The following FIG4 variants were observed in gnomAD, a reference collection of about 807,000 sequenced individuals.
The protein encoded by FIG4 is FIG4 phosphoinositide 5-phosphatase, also known as polyphosphoinositide phosphatase.
A neutral mutation model predicts 118.6 loss-of-function variants in FIG4; 112 were observed. The ratio of observed to expected loss-of-function variants is 0.94; its 90% CI spans 0.81 to 1.11. FIG4 has a LOEUF of 1.11. Among genes scored for constraint, FIG4 ranks in the 50% least tolerant of loss-of-function variants. The probability of loss-of-function intolerance (pLI) is 0.00; values close to 1 mark genes in which losing one functional copy is unlikely to be tolerated. For synonymous variants in FIG4, 369 were observed against 381.2 expected, an observed-to-expected ratio of 0.97 and a Z score of 0.37; for missense variants, 969 against 1,111.7, an observed-to-expected ratio of 0.87 and a Z score of 1.83.
At chr6:109,774,198 A>G (rs1345712726) in intron 15 of FIG4, among the ~76,000 whole-genome samples, 5 of 152,194 alleles carry the variant, frequency 3.3e-5, no homozygotes, top group Non-Finnish European at 5.9e-5. Context: ...CACCTTCCAG[A>G]GATAGCCACT....
chr6:109,804,024 TC>T (rs1278551528), intron 22 of FIG4, among the ~76,000 whole-genome samples: 1 of 152,170 alleles, frequency 6.6e-6, no homozygotes, highest in African/African-American at 2.4e-5. Context: ...TTCTAAGGAT[TC>T]TTGTCAGATT....
At chr6:109,711,359 A>G (rs1174645707) in intron 1 of FIG4, among the ~76,000 whole-genome samples, 2 of 152,142 alleles carry the variant, frequency 1.3e-5, no homozygotes, top group African/African-American at 2.4e-5. Flanking sequence ...AGATTGCGCC[A>G]CTGCACTCCA....
At chr6:109,702,906 C>T (rs956406589) in intron 1 of FIG4, among the ~76,000 whole-genome samples, 5 of 152,102 alleles carry the variant, frequency 3.3e-5, no homozygotes, top group Non-Finnish European at 5.9e-5. Context: ...GGCTTTAGTC[C>T]GGACTGGATG....
intron 10 of FIG4, among the ~76,000 whole-genome samples, chr6:109,750,457 ACACAGTCTCTACAAAATTTTTTTTTTT>A (rs1445900733): frequency 7.9e-5 from 12 of 152,138 alleles, no homozygotes; most frequent in Middle Eastern, 3.4e-3. Flanking sequence ...AGCATAGGAG[ACACAGTCTCTACAAAATTTTTTTTTTT>A]CAATTAGTTG....
intron 1 of FIG4, among the ~76,000 whole-genome samples, chr6:109,713,965 G>A (rs191215768): frequency 5.3e-5 from 8 of 152,238 alleles, no homozygotes; most frequent in Non-Finnish European, 7.4e-5. Flanking sequence ...GTTCAGGTCC[G>A]ACAGTTCCCC....
chr6:109,824,618 G>A (rs1004949856), intron 22 of FIG4, among the ~76,000 whole-genome samples: 13 of 152,166 alleles, frequency 8.5e-5, no homozygotes, highest in African/African-American at 3.1e-4. Context: ...ATGTAAATAT[G>A]CATATAAGCT....
At chr6:109,812,970 G>A (rs963186079) in intron 22 of FIG4, among the ~76,000 whole-genome samples, 2 of 152,048 alleles carry the variant, frequency 1.3e-5, no homozygotes, top group Non-Finnish European at 2.9e-5. Flanking sequence ...TGTAAATCTA[G>A]AATTTCATTA....
chr6:109,792,593 A>T lies in FIG4; in HGVS notation c.2388A>T (p.Gln796His). The T allele has an allele frequency of 6.3e-7, 1 of 1,599,162 alleles. No individual in the cohort carries two copies. Among genetic ancestry groups the T allele is most frequent in the South Asian group, 1.1e-5 (1 of 90,552 alleles). Residue 796 changes from glutamine to histidine, a missense_variant, in exon 21 of 23, where the codon CAA (glutamine) becomes CAT (histidine). Physicochemically the swap from Gln to His is conservative, Grantham distance 24. This residue lies in a region of FIG4 where 330 missense variants were observed against 348.1 expected (regional missense o/e 0.95). Coordinates refer to ENST00000230124, the MANE Select transcript of FIG4 (RefSeq NM_014845.6). ...DSAKVTENVV[Q>H]PMKELYGINL... ...TTTTTAAACCCCAGAATGTGGTCCA[A>T]CCCATGAAGGAGCTATATGGAATTA...
chr6:109,752,573 G>A (rs199805970), intron 10 of FIG4, among the ~76,000 whole-genome samples: 147 of 152,218 alleles, frequency 9.7e-4, no homozygotes, highest in African/African-American at 3.2e-3. Context: ...TTTGATTTGC[G>A]TTTCTCTGAT....
intron 22 of FIG4, among the ~76,000 whole-genome samples, chr6:109,814,528 A>G (rs1262229453): frequency 6.6e-6 from 1 of 152,070 alleles, no homozygotes; most frequent in Non-Finnish European, 1.5e-5. Flanking sequence ...TGTAATTAAT[A>G]AATATTTTAT....
intron 21 of FIG4, among the ~76,000 whole-genome samples, chr6:109,795,095 GTTTTTTTTTTTTTTTTTTTTT>G (rs571649446): frequency 2.4e-4 from 14 of 57,252 alleles, no homozygotes; most frequent in Admixed American, 1.4e-3. Context: ...ACACTTGCCA[GTTTTTTTTTTTTTTTTTTTTT>G]TTTTTTTTTT....
chr6:109,808,393 A>G (rs1778631322), intron 22 of FIG4, among the ~76,000 whole-genome samples: 1 of 151,608 alleles, frequency 6.6e-6, no homozygotes, highest in African/African-American at 2.4e-5. Context: ...AAAGAAAAAA[A>G]TGCCAGTTTT....
intron 10 of FIG4, among the ~76,000 whole-genome samples, chr6:109,748,843 A>G (rs1037856700): frequency 2.0e-5 from 3 of 152,040 alleles, no homozygotes; most frequent in Non-Finnish European, 4.4e-5. Context: ...TTACCACAAG[A>G]ACGGTATGGG....
chr6:109,766,884 AT>A lies in FIG4; in HGVS notation c.1740del (p.Asn580LysfsTer43), dbSNP rs1245399589. ...IMQTLSRYYS[N>X]AFSDADRQDS... ...CAAACCCTGTCTAGATATTACAGCA[AT>A]GCTTTTTCAGGTAATTCTGAAGTAA... On this transcript the variant is annotated frameshift_variant, in exon 15 of 23. Coordinates refer to ENST00000230124, the MANE Select transcript of FIG4 (RefSeq NM_014845.6). LOFTEE classifies it high-confidence loss of function. The A allele has an allele frequency of 6.2e-7, 1 of 1,613,922 alleles. No homozygotes were observed. Among genetic ancestry groups the A allele is most frequent in the South Asian group, 1.1e-5 (1 of 91,080 alleles).
At chr6:109,720,552 T>C (rs1775575640) in intron 3 of FIG4, among the ~76,000 whole-genome samples, 1 of 152,166 alleles carries the variant, frequency 6.6e-6, no homozygotes, top group African/African-American at 2.4e-5. Flanking sequence ...CTCACATATA[T>C]CACATGTTGC....
Position 109,766,823 on chromosome 6 carries a change from A to G in FIG4, c.1678A>G (p.Ile560Val). Residue 560 changes from isoleucine (I) to valine (V), a missense_variant, in exon 15 of 23, where the codon ATA becomes GTA. Ile to Val is a conservative substitution (Grantham distance 29). This residue lies in a region of FIG4 where 246 missense variants were observed against 354.3 expected (regional missense o/e 0.69). Coordinates refer to ENST00000230124, the MANE Select transcript of FIG4 (RefSeq NM_014845.6). ...LVHRVKTYRK[I>V]APWTQHSKDI... ...TCATCGTGTGAAAACCTACAGAAAGATAGCACCATGGACCCAGCACTCCAA... is the reference window on the plus strand; with the variant it reads ...TCATCGTGTGAAAACCTACAGAAAGGTAGCACCATGGACCCAGCACTCCAA... The G allele has an allele frequency of 6.2e-7, 1 of 1,614,068 alleles. No individual in the cohort carries two copies. Among genetic ancestry groups the G allele is most frequent in the South Asian group, 1.1e-5 (1 of 91,084 alleles).
At chr6:109,711,684 A>G (rs952631386) in intron 1 of FIG4, among the ~76,000 whole-genome samples, 4 of 152,038 alleles carry the variant, frequency 2.6e-5, no homozygotes, top group African/African-American at 9.7e-5. Context: ...GGGTCTGTTG[A>G]AGACAGCATA....
At chr6:109,777,737 G>T (rs1386967053) in intron 16 of FIG4, among the ~76,000 whole-genome samples, 2 of 152,160 alleles carry the variant, frequency 1.3e-5, no homozygotes, top group African/African-American at 4.8e-5. Flanking sequence ...AGGTTATTTT[G>T]AGTACAGTTA....
chr6:109,763,794 T>A (rs1777184539), intron 12 of FIG4, 143 bp from the exon 13 acceptor site: 3 of 670,764 alleles, frequency 4.5e-6, no homozygotes, highest in Non-Finnish European at 5.4e-6. Context: ...CCTGAAAGAA[T>A]GAGAGTAGGC....
Sources: allele counts gnomAD v4.1 joint callset (sites outside exome capture counted in the v4.1 genomes callset), GRCh38; gene constraint gnomAD v4.1.1; regional missense constraint gnomAD v4.1.1; transcripts MANE v1.5; gene names NCBI Gene and HGNC (gene_info 2026-07-23, HGNC 2026-07-21).